The following KLHL22 variants were observed in gnomAD, a reference collection of about 807,000 sequenced individuals.
KLHL22 encodes kelch-like protein 22.
In KLHL22, 18 loss-of-function variants were observed where a neutral mutation model predicts 60.7. The observed-to-expected ratio is 0.30, with a 90% confidence interval of 0.20 to 0.44. The LOEUF is 0.44. Among genes scored for constraint, KLHL22 ranks in the 20% least tolerant of loss-of-function variants. KLHL22 has a pLI of 1.00. For synonymous variants in KLHL22, 355 were observed against 354.5 expected (o/e 1.00, Z -0.01); for missense variants, 596 against 852.3 (o/e 0.70, Z 3.74).
At chr22:20,483,217 G>T in intron 2 of KLHL22, 2 of 668,332 alleles carry the variant, frequency 3.0e-6, no homozygotes, top group South Asian at 1.5e-5. Context: ...TCTCAACTCC[G>T]TGATTGTCAT....
At chr22:20,474,343 T>C (rs1195730762) in intron 2 of KLHL22, among the ~76,000 whole-genome samples, 3 of 151,936 alleles carry the variant, frequency 2.0e-5, no homozygotes, top group African/African-American at 4.8e-5. Context: ...TCCATGCCCA[T>C]GTACGCAAGA....
intron 1 of KLHL22, chr22:20,493,315 G>A (rs1457433917): frequency 4.5e-6 from 2 of 449,336 alleles, no homozygotes; most frequent in South Asian, 1.6e-5. Context: ...AGGGGCTAAG[G>A]GGGATATGCT....
intron 5 of KLHL22, chr22:20,451,565 G>T: frequency 6.3e-7 from 1 of 1,596,774 alleles, no homozygotes; most frequent in Non-Finnish European, 8.6e-7. Context: ...AGATTTGATG[G>T]TACAGCCCAC....
In KLHL22 at chr22:20,464,874, C is replaced by A; in HGVS notation, c.1096G>T (p.Glu366Ter). ...CTGTCCTACCTCCAGCATCGGGACT[C>A]TGCTCGAAATCCTTGGACATTGTTG... ...GDNNVQGFRA[E>*]SRCWRYDPRH... The change falls in exon 4 of 7, where the codon GAG becomes TAG. Residue 366 changes from glutamate (E) to a stop codon, truncating the protein, a stop_gained. Coordinates refer to ENST00000328879, the MANE Select transcript of KLHL22 (RefSeq NM_032775.4). LOFTEE classifies it high-confidence loss of function. The A allele has an allele frequency of 6.5e-7, 1 of 1,537,470 alleles. No individual in the cohort carries two copies. Among genetic ancestry groups the A allele is most frequent in the Non-Finnish European group, 8.8e-7 (1 of 1,141,196 alleles).
At chr22:20,448,435 C>CTA (rs2052915136) in intron 5 of KLHL22, among the ~76,000 whole-genome samples, 1 of 152,212 alleles carries the variant, frequency 6.6e-6, no homozygotes, top group African/African-American at 2.4e-5. Flanking sequence ...GGTTCCTTTT[C>CTA]TATTGCTCAG....
At chr22:20,481,497 T>C (rs1318392075) in intron 2 of KLHL22, among the ~76,000 whole-genome samples, 3 of 152,078 alleles carry the variant, frequency 2.0e-5, no homozygotes, top group Non-Finnish European at 4.4e-5. Flanking sequence ...CACTTGAACC[T>C]GGTAGGCGGA....
At chr22:20,443,747 C>CA (rs1569118167) in intron 6 of KLHL22, among the ~76,000 whole-genome samples, 1 of 148,178 alleles carries the variant, frequency 6.7e-6, no homozygotes. Context: ...AACAAACAAA[C>CA]AAAAAAAGTG....
rs555078500 is a variant in KLHL22, at chr22:20,449,100, G to A, written c.1306-2424C>T. On this transcript the variant is annotated intron_variant, in intron 5 of 6. Transcript: ENST00000328879. ...TTTTGAGACAGAGTCTTGCCGTGTC[G>A]CCCAGGCTGGAGTGCAGTGGCACAA... is the stretch of plus-strand genomic sequence containing the variant. 5.3e-5 allele frequency among the ~76,000 whole-genome samples: 8 copies of A among 151,554 alleles called. No individual in the cohort carries two copies. In the South Asian group the frequency reaches 6.3e-4, roughly 12 times the overall value.
chr22:20,483,638 C>T, intron 2 of KLHL22: 2 of 726,358 alleles, frequency 2.8e-6, no homozygotes, highest in South Asian at 1.3e-5. Flanking sequence ...GCAAGACGGG[C>T]ATTGTCGATC....
chr22:20,482,008 T>C (rs1436330082), intron 2 of KLHL22: 1 of 152,138 alleles, frequency 6.6e-6, no homozygotes, highest in Non-Finnish European at 1.5e-5. Context: ...GCATGGGAGT[T>C]TTGACCTGGT....
intron 6 of KLHL22, among the ~76,000 whole-genome samples, chr22:20,443,825 A>G (rs1476325232): frequency 6.6e-6 from 1 of 152,108 alleles, no homozygotes; most frequent in Non-Finnish European, 1.5e-5. Flanking sequence ...AGGTGCGTGG[A>G]TCACCTGAGG....
At chr22:20,491,889 C>T (rs2053697793) in intron 1 of KLHL22, 1 of 152,408 alleles carries the variant, frequency 6.6e-6, no homozygotes, top group Admixed American at 6.5e-5. Context: ...GGACCTCTAT[C>T]CAGCCACCCA....
chr22:20,483,615 A>G (rs1466745543), intron 2 of KLHL22: 2 of 725,650 alleles, frequency 2.8e-6, no homozygotes, highest in East Asian at 2.6e-5. Flanking sequence ...ACTTGACTCT[A>G]AAGTCATCAG....
At position 20,495,420 on chromosome 22, in the gene KLHL22, G is replaced by T. The variant is rs1002406695; in HGVS notation, c.-34+340C>A. On this transcript the variant is annotated intron_variant, in intron 1 of 6. Coordinates refer to ENST00000328879, the MANE Select transcript of KLHL22 (RefSeq NM_032775.4). This position sits in a 1 kb window ranked among gnomAD's most constrained non-coding sequence, Gnocchi z 4.6. ...AGCGCGGAGGGTCGCGGCCAGGAAG[G>T]CCGCATTCGGACCTGCCGCAGGCAA... 2.0e-5 allele frequency among the ~76,000 whole-genome samples: 3 copies of T among 152,012 alleles called. No homozygotes were observed. The highest frequency in any genetic ancestry group is 4.4e-5 in the Non-Finnish European group (3 of 67,938).
intron 6 of KLHL22, among the ~76,000 whole-genome samples, chr22:20,443,011 G>GT (rs773492668): frequency 5.3e-5 from 8 of 152,216 alleles, no homozygotes; most frequent in Admixed American, 1.3e-4. Context: ...ATGGAAAAAT[G>GT]TTCAACCTAC....
intron 2 of KLHL22, among the ~76,000 whole-genome samples, chr22:20,488,145 TAAAGAG>T (rs1448333775): frequency 1.3e-5 from 2 of 151,562 alleles, no homozygotes; most frequent in African/African-American, 4.9e-5. Context: ...TAGAGAGAGA[TAAAGAG>T]AAAGAGAGAG....
Position 20,489,849 on chromosome 22 carries a change from T to A in KLHL22, c.-33-605A>T, listed in dbSNP as rs950361812. 1.3e-5 allele frequency: 6 copies of A among 468,580 alleles called. No homozygotes were observed. The East Asian group carries it at 3.5e-4, about 27-fold the overall frequency. 29.0% of individuals were successfully genotyped at this position (468,580 alleles called of 1,614,324 possible). On this transcript the variant is annotated intron_variant, in intron 1 of 6. Coordinates refer to ENST00000328879, the MANE Select transcript of KLHL22 (RefSeq NM_032775.4). ...GTGGCATTTCCAGGGCCTACTTTCCTTTACTGAAATTCTGAGAGTCAAGCA... is the reference window on the plus strand; with the variant it reads ...GTGGCATTTCCAGGGCCTACTTTCCATTACTGAAATTCTGAGAGTCAAGCA...
chr22:20,443,770 G>C (rs1391781205), intron 6 of KLHL22, among the ~76,000 whole-genome samples: 1 of 151,774 alleles, frequency 6.6e-6, no homozygotes, highest in Non-Finnish European at 1.5e-5. Flanking sequence ...AGGGGAGGCC[G>C]GGGGTGGTGG....
At chr22:20,483,238 C>T (rs1197228092) in intron 2 of KLHL22, 4 of 689,022 alleles carry the variant, frequency 5.8e-6, no homozygotes, top group East Asian at 2.8e-5. Context: ...CTCAGCAGTT[C>T]CAACCTCAGT....
Sources: allele counts gnomAD v4.1 joint callset (sites outside exome capture counted in the v4.1 genomes callset), GRCh38; gene constraint gnomAD v4.1.1; non-coding constraint Gnocchi (gnomAD v3.1); transcripts MANE v1.5; gene names NCBI Gene and HGNC (gene_info 2026-07-23, HGNC 2026-07-21).